The following MAP2K5 variants were observed in gnomAD, a reference collection of about 807,000 sequenced individuals.
MAP2K5 encodes dual specificity mitogen-activated protein kinase kinase 5.
In MAP2K5, 49 loss-of-function variants were observed where a neutral mutation model predicts 83.1. The ratio of observed to expected loss-of-function variants is 0.59; its 90% CI spans 0.47 to 0.75. MAP2K5 has a LOEUF of 0.75. MAP2K5 is among the 30% of genes least tolerant of loss of function. The pLI, the probability that MAP2K5 is intolerant of heterozygous loss-of-function variation, is 0.00. For synonymous variants in MAP2K5, 202 were observed against 191.8 expected (o/e 1.05, Z -0.44); for missense variants, 457 against 557.5 (o/e 0.82, Z 1.82).
chr15:67,588,890 G>T (rs1287152657), intron 6 of MAP2K5, among the ~76,000 whole-genome samples: 1 of 152,092 alleles, frequency 6.6e-6, no homozygotes, highest in Admixed American at 6.5e-5. Flanking sequence ...ATCACAGCTC[G>T]CTGCAGCCTT....
intron 17 of MAP2K5, 124 bp downstream of exon 17, chr15:67,728,069 G>T: frequency 1.2e-6 from 1 of 812,988 alleles, no homozygotes; most frequent in Non-Finnish European, 2.1e-6. Context: ...TTGAAAAGTG[G>T]TATCTTAAAG....
At chr15:67,800,720 G>A (rs573859037) in intron 21 of MAP2K5, among the ~76,000 whole-genome samples, 3 of 152,246 alleles carry the variant, frequency 2.0e-5, no homozygotes, top group Non-Finnish European at 2.9e-5. Flanking sequence ...CCCCCACCCC[G>A]ATGTACGTGA....
chr15:67,697,339 A>G (rs147591599), intron 15 of MAP2K5, among the ~76,000 whole-genome samples: 110 of 152,308 alleles, frequency 7.2e-4, no homozygotes, highest in African/African-American at 2.5e-3. Flanking sequence ...CAACACTATG[A>G]CATAGGTAAT....
chr15:67,806,009 G>A (rs1185472880), intron 21 of MAP2K5, among the ~76,000 whole-genome samples: 8 of 152,166 alleles, frequency 5.3e-5, no homozygotes, highest in Non-Finnish European at 1.0e-4. Context: ...ACCAGAGGCA[G>A]GCCACAGGGC....
Position 67,757,812 on chromosome 15 carries a change from A to G in MAP2K5, c.1134+9211A>G, listed in dbSNP as rs1348664505. 6.6e-6 allele frequency among the ~76,000 whole-genome samples: 1 copy of G among 152,196 alleles called. No homozygotes were observed. The highest frequency in any genetic ancestry group is 1.5e-5 in the Non-Finnish European group (1 of 68,044). On this transcript the variant is annotated intron_variant, in intron 19 of 21. Transcript: ENST00000178640. This position sits in a 1 kb window ranked among gnomAD's most constrained non-coding sequence, Gnocchi z 4.9. ...ATGGTATTTAATGATGTTTGTAGCC[A>G]TATAAATTCTATAATTAAAGTGTGG...
intron 8 of MAP2K5, among the ~76,000 whole-genome samples, chr15:67,619,248 G>A (rs1335172185): frequency 6.6e-6 from 1 of 152,070 alleles, no homozygotes; most frequent in Non-Finnish European, 1.5e-5. Context: ...ATATCAAATA[G>A]CATGTCCCTA....
At chr15:67,588,616 T>C (rs2085333672) in intron 6 of MAP2K5, among the ~76,000 whole-genome samples, 1 of 152,232 alleles carries the variant, frequency 6.6e-6, no homozygotes, top group Non-Finnish European at 1.5e-5. Flanking sequence ...AATGAATGAA[T>C]GCATGAATGT....
At position 67,555,932 on chromosome 15, in the gene MAP2K5, C is replaced by T. The variant is rs1206976320; in HGVS notation, c.184+5850C>T. The stretch of plus-strand genomic sequence containing the variant: ...CCAAGTAGCTAGGACTACAGGCATG[C>T]GCCACCACACCCGGCTAATTTTTTT... On this transcript the variant is annotated intron_variant, in intron 2 of 21. Transcript: ENST00000178640. This position sits in a 1 kb window ranked among gnomAD's most constrained non-coding sequence, Gnocchi z 5.2. 4.6e-5 allele frequency among the ~76,000 whole-genome samples: 7 copies of T among 151,890 alleles called. No individual in the cohort carries two copies. The highest frequency in any genetic ancestry group is 7.3e-5 in the African/African-American group (3 of 41,340).
chr15:67,620,072 A>T (rs960705571), intron 8 of MAP2K5, among the ~76,000 whole-genome samples: 1 of 152,072 alleles, frequency 6.6e-6, no homozygotes, highest in Non-Finnish European at 1.5e-5. Flanking sequence ...CCTGTTGCTT[A>T]AAAAAAATAT....
intron 21 of MAP2K5, among the ~76,000 whole-genome samples, chr15:67,796,850 G>A (rs2090613604): frequency 6.6e-6 from 1 of 152,176 alleles, no homozygotes; most frequent in African/African-American, 2.4e-5. Flanking sequence ...GACTGATCTG[G>A]CAGCTGCTTA....
Position 67,641,444 on chromosome 15 carries a change from G to C in MAP2K5, c.586-4787G>C. ...TGTGATTTTGCTCTCTTTCCCTTTA[G>C]TGAAGTGTGTGCCACTCCAGCAAAT... On this transcript the variant is annotated intron_variant, in intron 9 of 21. Coordinates refer to ENST00000178640, the MANE Select transcript of MAP2K5 (RefSeq NM_145160.3). The C allele has an allele frequency of 3.0e-6, 3 of 996,952 alleles. No individual in the cohort carries two copies. The South Asian group carries it at 1.4e-4, about 47-fold the overall frequency. 61.8% of individuals were successfully genotyped at this position (996,952 alleles called of 1,614,324 possible).
intron 21 of MAP2K5, among the ~76,000 whole-genome samples, chr15:67,805,306 G>A (rs1319637538): frequency 6.6e-6 from 1 of 152,156 alleles, no homozygotes; most frequent in Non-Finnish European, 1.5e-5. Flanking sequence ...GAGGCGGCCT[G>A]AGCATTCTCC....
rs1013503609 is a variant in MAP2K5 at position 67,616,178 on chromosome 15, A to G, written c.546-14710A>G. ...GGGGCTTTTTTGGTTAATAAATAAA[A>G]TGTCACACAGAGCAAAGAAGCATCA... On this transcript the variant is annotated intron_variant, in intron 8 of 21. Transcript: ENST00000178640. Among the ~76,000 whole-genome samples, 6 of 3,162 alleles carry G rather than the reference A, an allele frequency of 1.9e-3. No individual in the cohort carries two copies. The Non-Finnish European group carries it at 0.08, about 42-fold the overall frequency. 2.1% of individuals were successfully genotyped at this position (3,162 alleles called of 152,430 possible).
intron 21 of MAP2K5, among the ~76,000 whole-genome samples, chr15:67,799,677 G>A (rs977052584): frequency 6.6e-5 from 10 of 152,250 alleles, no homozygotes; most frequent in Non-Finnish European, 1.3e-4. Context: ...CTTAGAGCCT[G>A]CCTGGAGGCT....
rs1315536144 is a variant in MAP2K5, at chr15:67,781,491, G to A, written c.1242+8739G>A. ...CTTGGCCATTTAGAGACTGCAGAAA[G>A]GCAGTAGAGACATTTGGGCCTACCG... On this transcript the variant is annotated intron_variant, in intron 21 of 21. Coordinates refer to ENST00000178640, the MANE Select transcript of MAP2K5 (RefSeq NM_145160.3). This position sits in a 1 kb window ranked among gnomAD's most constrained non-coding sequence, Gnocchi z 4.0. Among the ~76,000 whole-genome samples, 3 of 152,168 alleles carry A rather than the reference G, an allele frequency of 2.0e-5. No homozygotes were observed. Among genetic ancestry groups the A allele is most frequent in the African/African-American group, 7.2e-5 (3 of 41,438 alleles).
Position 67,757,680 on chromosome 15 carries a change from T to A in MAP2K5, c.1134+9079T>A, listed in dbSNP as rs575211240. 6.6e-6 allele frequency among the ~76,000 whole-genome samples: 1 copy of A among 152,016 alleles called. No homozygotes were observed. The highest frequency in any genetic ancestry group is 2.1e-4 in the South Asian group (1 of 4,798). ...ACAAGTAAACAGTCATATATGCAGA[T>A]CACTAAACTGCAGGTAATGTAAGTG... is the stretch of plus-strand genomic sequence containing the variant. On this transcript the variant is annotated intron_variant, in intron 19 of 21. Coordinates refer to ENST00000178640, the MANE Select transcript of MAP2K5 (RefSeq NM_145160.3). The surrounding 1 kb of genome is among the most constrained non-coding windows in gnomAD (Gnocchi z 4.9).
At chr15:67,658,962 T>TA in intron 12 of MAP2K5, 2 of 372,262 alleles carry the variant, frequency 5.4e-6, no homozygotes, top group Non-Finnish European at 5.2e-6. Flanking sequence ...AGCAAATACT[T>TA]AAAAAGTCTG....
chr15:67,622,441 C>G (rs1473831795), intron 8 of MAP2K5, among the ~76,000 whole-genome samples: 3 of 152,034 alleles, frequency 2.0e-5, no homozygotes, highest in Admixed American at 2.0e-4. Flanking sequence ...ACTTTTAATT[C>G]AGCAGTTAGA....
At chr15:67,716,821 T>TA (rs2088837172) in intron 16 of MAP2K5, among the ~76,000 whole-genome samples, 1 of 152,216 alleles carries the variant, frequency 6.6e-6, no homozygotes, top group African/African-American at 2.4e-5. Context: ...CACTTTTTTT[T>TA]AATGTAACAC....
Sources: allele counts gnomAD v4.1 joint callset (sites outside exome capture counted in the v4.1 genomes callset), GRCh38; gene constraint gnomAD v4.1.1; non-coding constraint Gnocchi (gnomAD v3.1); transcripts MANE v1.5; gene names NCBI Gene and HGNC (gene_info 2026-07-23, HGNC 2026-07-21).